The following RBM33 variants were observed in gnomAD, a reference collection of about 807,000 sequenced individuals.
RBM33 encodes the protein RNA-binding protein 33.
A neutral mutation model predicts 132.6 loss-of-function variants in RBM33; 28 were observed. The observed-to-expected ratio is 0.21, with a 90% CI of 0.16 to 0.29. The LOEUF is 0.29. Ranked by LOEUF, RBM33 falls within the 10% of genes least tolerant of loss-of-function variation. The pLI is 1.00. For missense variants in RBM33, 1,291 were observed against 1,518.5 expected, an observed-to-expected ratio of 0.85 and a Z score of 2.49; for synonymous variants, 634 against 593.0, an observed-to-expected ratio of 1.07 and a Z score of -1.01.
At position 155,776,318 on chromosome 7, in the gene RBM33, C is replaced by T. The variant is rs1802606775; in HGVS notation, c.*1277C>T. On this transcript the variant is annotated 3_prime_UTR_variant, in exon 18 of 18. Transcript: ENST00000401878. This position sits in a 1 kb window ranked among gnomAD's most constrained non-coding sequence, Gnocchi z 4.0. ...TCAGACATTTTAGCTACCTTTTATA[C>T]CTACGATTTCATGTCACATTTACTA... The T allele has an allele frequency of 6.6e-6, 1 of 152,406 alleles. No homozygotes were observed. The highest frequency in any genetic ancestry group is 2.1e-4 in the South Asian group (1 of 4,820). 9.4% of individuals were successfully genotyped at this position (152,406 alleles called of 1,614,324 possible). A position where few individuals can be genotyped will look rare whatever the true frequency, so the allele number is the denominator to read the frequency against.
chr7:155,657,217 G>A (rs1358757293), intron 1 of RBM33, among the ~76,000 whole-genome samples: 2 of 152,090 alleles, frequency 1.3e-5, no homozygotes, highest in Non-Finnish European at 2.9e-5. Context: ...TTTGGCTTTT[G>A]TAGATTTAAC....
chr7:155,686,028 C>T (rs1412790756), intron 5 of RBM33, among the ~76,000 whole-genome samples: 1 of 152,214 alleles, frequency 6.6e-6, no homozygotes, highest in African/African-American at 2.4e-5. Context: ...CTTTCTCCCC[C>T]TCCACCAAAC....
chr7:155,645,219 G>A (rs568762240), intron 1 of RBM33: 7 of 345,452 alleles, frequency 2.0e-5, no homozygotes, highest in South Asian at 1.2e-4. Context: ...TGCCGAAGCC[G>A]GCCTGGTGTC....
chr7:155,742,318 C>T (rs1038761690), intron 13 of RBM33, among the ~76,000 whole-genome samples: 3 of 145,400 alleles, frequency 2.1e-5, no homozygotes, highest in Non-Finnish European at 4.5e-5. Flanking sequence ...TATATTTGTA[C>T]AGTTACTGTT....
chr7:155,674,041 G>T (rs1378225598), intron 3 of RBM33, among the ~76,000 whole-genome samples: 1 of 137,276 alleles, frequency 7.3e-6, no homozygotes, highest in Non-Finnish European at 1.5e-5. Flanking sequence ...CAAGCTTCTA[G>T]AAGTGATTAC....
intron 1 of RBM33, among the ~76,000 whole-genome samples, chr7:155,654,352 A>T (rs1198731391): frequency 6.6e-6 from 1 of 151,310 alleles, no homozygotes; most frequent in Admixed American, 6.6e-5. Context: ...GTTTGTAGTT[A>T]CTTTGTTTTA....
At chr7:155,734,801 C>T (rs997232836) in intron 9 of RBM33, among the ~76,000 whole-genome samples, 1 of 152,042 alleles carries the variant, frequency 6.6e-6, no homozygotes, top group Admixed American at 6.5e-5. Context: ...TGCCAATTTG[C>T]GTGGGTTGGA....
At chr7:155,696,410 T>A (rs1286206675) in intron 5 of RBM33, among the ~76,000 whole-genome samples, 1 of 152,098 alleles carries the variant, frequency 6.6e-6, no homozygotes, top group African/African-American at 2.4e-5. Flanking sequence ...CTATATCCAT[T>A]TCTTTCTTTC....
At chr7:155,654,466 T>C (rs1463134683) in intron 1 of RBM33, among the ~76,000 whole-genome samples, 1 of 152,246 alleles carries the variant, frequency 6.6e-6, no homozygotes, top group African/African-American at 2.4e-5. Context: ...TTTCTTACGT[T>C]GCTTTTCTAG....
intron 15 of RBM33, 75 bp downstream of exon 15, chr7:155,764,093 T>G (rs1802135244): frequency 1.3e-5 from 15 of 1,195,592 alleles, no homozygotes; most frequent in South Asian, 3.2e-5. Context: ...CGTGCTCTAA[T>G]TTGTAGCGCA....
chr7:155,742,301 G>T (rs1801372795), intron 13 of RBM33, among the ~76,000 whole-genome samples, 195 bp downstream of exon 13: 1 of 82,234 alleles, frequency 1.2e-5, no homozygotes, highest in South Asian at 4.1e-4. Flanking sequence ...TACAAGATTA[G>T]AGTTTATATA....
At position 155,749,567 on chromosome 7, in the gene RBM33, C is replaced by T. The variant is rs143809003; in HGVS notation, c.2979+3965C>T. Among the ~76,000 whole-genome samples, 259 of 152,180 alleles carry T rather than the reference C, an allele frequency of 1.7e-3. 4 individuals carry two copies. Among genetic ancestry groups the T allele is most frequent in the African/African-American group, 5.9e-3 (243 of 41,510 alleles). ...CTACTATTAGCAGTCTAGATTGATT[C>T]GGAAAATGCTTAATGGGGGCTCCTA... On this transcript the variant is annotated intron_variant, in intron 14 of 17. Transcript: ENST00000401878.
chr7:155,645,205 T>A (rs959009457), intron 1 of RBM33: 6 of 359,928 alleles, frequency 1.7e-5, no homozygotes, highest in Non-Finnish European at 2.5e-5. Context: ...TGGCGGGCAT[T>A]AAGTGCCGAA....
chr7:155,716,993 A>G (rs1800480590), intron 8 of RBM33, among the ~76,000 whole-genome samples: 1 of 152,242 alleles, frequency 6.6e-6, no homozygotes, highest in South Asian at 2.1e-4. Flanking sequence ...GATGTCAATT[A>G]TAAGGCTTAA....
intron 9 of RBM33, among the ~76,000 whole-genome samples, chr7:155,720,644 A>G (rs1444518711): frequency 6.6e-6 from 1 of 152,252 alleles, no homozygotes; most frequent in Non-Finnish European, 1.5e-5. Flanking sequence ...ACCAAGCATC[A>G]TTAAATGAAA....
chr7:155,727,603 C>T (rs1477087328), intron 9 of RBM33, among the ~76,000 whole-genome samples: 1 of 152,178 alleles, frequency 6.6e-6, no homozygotes, highest in Admixed American at 6.5e-5. Context: ...ATATTGTTAA[C>T]AGTCAGTGAG....
intron 7 of RBM33, among the ~76,000 whole-genome samples, chr7:155,710,167 CAG>C (rs1800240489): frequency 6.6e-6 from 1 of 152,190 alleles, no homozygotes; most frequent in African/African-American, 2.4e-5. Flanking sequence ...GGCATCATCT[CAG>C]GGAAAATGCT....
intron 1 of RBM33, among the ~76,000 whole-genome samples, chr7:155,656,707 T>A (rs1032230650): frequency 1.3e-5 from 2 of 152,206 alleles, no homozygotes; most frequent in African/African-American, 4.8e-5. Flanking sequence ...CTAAAAAATA[T>A]TTGTTTTATA....
chr7:155,702,605 T>C (rs1370066338), intron 6 of RBM33, among the ~76,000 whole-genome samples: 1 of 152,192 alleles, frequency 6.6e-6, no homozygotes, highest in East Asian at 1.9e-4. Context: ...CAGAACAGTC[T>C]ACTTGAGCAG....
Sources: gnomAD v4.1 joint callset for allele counts (sites outside exome capture counted in the v4.1 genomes callset) on GRCh38, gnomAD v4.1.1 for gene constraint, Gnocchi (gnomAD v3.1) non-coding constraint, MANE v1.5 for transcripts, NCBI Gene and HGNC (gene_info 2026-07-23, HGNC 2026-07-21) for gene names.